Variants in UBA3 observed in about 807,000 individuals in gnomAD.
UBA3 encodes the protein NEDD8-activating enzyme E1 catalytic subunit.
UBA3 carries 26 observed loss-of-function variants against 73.5 expected under a neutral mutation model. That is an observed-to-expected ratio of 0.35 (90% CI 0.26 to 0.49). UBA3 has a LOEUF of 0.49. Ranked by LOEUF, UBA3 falls within the 20% of genes least tolerant of loss-of-function variation. UBA3 has a pLI of 0.98. For synonymous variants in UBA3, 217 were observed against 191.2 expected (o/e 1.13, Z -1.11); for missense variants, 495 against 555.6 (o/e 0.89, Z 1.10).
intron 14 of UBA3, 34 bp downstream of exon 14, chr3:69,056,578 G>T: frequency 6.6e-7 from 1 of 1,524,490 alleles, no homozygotes; most frequent in Non-Finnish European, 9.0e-7. Context: ...ATCAAAATAT[G>T]CATGATCAAA....
intron 6 of UBA3, 103 bp downstream of exon 6, chr3:69,067,825 T>A (rs990373090): frequency 2.5e-6 from 2 of 788,818 alleles, no homozygotes; most frequent in Non-Finnish European, 3.9e-6. Flanking sequence ...TACTGCTGAC[T>A]TTTTTTCCCT....
intron 17 of UBA3, 37 bp downstream of exon 17, chr3:69,055,814 A>C: frequency 6.4e-7 from 1 of 1,574,622 alleles, no homozygotes; most frequent in South Asian, 1.2e-5. Context: ...GAGAGAAAAG[A>C]AAGAAAATGA....
intron 2 of UBA3, among the ~76,000 whole-genome samples, chr3:69,079,369 A>G (rs1156310572): frequency 6.6e-6 from 1 of 152,244 alleles, no homozygotes; most frequent in African/African-American, 2.4e-5. Flanking sequence ...TGAGGGACAC[A>G]CATAAAGATC....
chr3:69,063,998 A>G, intron 7 of UBA3, 70 bp downstream of exon 7: 2 of 1,321,678 alleles, frequency 1.5e-6, no homozygotes, highest in South Asian at 2.6e-5. Context: ...ATAGCTAGCA[A>G]TATTTGAATA....
At chr3:69,071,640 A>C in intron 4 of UBA3, 23 bp from the exon 5 acceptor site, 1 of 1,431,456 alleles carries the variant, frequency 7.0e-7, no homozygotes, top group Non-Finnish European at 9.4e-7. Context: ...AAACAATCCA[A>C]TTAAGCAGAA....
At chr3:69,065,862 T>C (rs2092066340) in intron 6 of UBA3, among the ~76,000 whole-genome samples, 1 of 151,998 alleles carries the variant, frequency 6.6e-6, no homozygotes, top group Non-Finnish European at 1.5e-5. Context: ...CTCATGGTGG[T>C]CTTAGTTTGA....
chr3:69,077,027 CA>C lies in UBA3; in HGVS notation c.183+770del, dbSNP rs138831521. Among the ~76,000 whole-genome samples the C allele has an allele frequency of 8.4e-3, 1,160 of 138,798 alleles. 15 individuals are homozygous for C. The highest frequency in any genetic ancestry group is 0.026 in the African/African-American group (995 of 37,858). 91.1% of individuals were successfully genotyped at this position (138,798 alleles called of 152,430 possible). A position where few individuals can be genotyped will look rare whatever the true frequency, so the allele number is the denominator to read the frequency against. On this transcript the variant is annotated intron_variant, in intron 3 of 17. Transcript: ENST00000361055. ...GAAGTAACAATCTTAAATTATCAGG[CA>C]AAAAAAAAAATTTAGAAGCACAAGA...
intron 6 of UBA3, among the ~76,000 whole-genome samples, chr3:69,067,428 C>T (rs2092082756): frequency 6.6e-6 from 1 of 152,184 alleles, no homozygotes; most frequent in Non-Finnish European, 1.5e-5. Flanking sequence ...CATCTTCTGA[C>T]TTTCTATAAA....
intron 4 of UBA3, among the ~76,000 whole-genome samples, chr3:69,073,184 G>A (rs1170732565): frequency 1.3e-5 from 2 of 152,096 alleles, no homozygotes; most frequent in African/African-American, 2.4e-5. Context: ...GAGTAAAAGC[G>A]ACAGCACTTA....
Position 69,077,848 on chromosome 3 carries a change from G to C in UBA3, c.133C>G (p.Leu45Val), listed in dbSNP as rs754980658. 2 of 1,614,110 alleles carry C rather than the reference G, an allele frequency of 1.2e-6. No individual in the cohort carries two copies. The highest frequency in any genetic ancestry group is 1.7e-6 in the Non-Finnish European group (2 of 1,180,024). Residue 45 changes from leucine (L) to valine (V), a missense_variant, in exon 3 of 18, where the codon CTC becomes GTC. Transcript: ENST00000361055. The stretch of plus-strand genomic sequence containing the variant: ...TGTGTGAAGGGTCCAGATCGCTCGA[G>C]GAACTTCTTTACATGGTTCCAGCGA... ...EGRWNHVKKF[L>V]ERSGPFTHPD...
intron 11 of UBA3, among the ~76,000 whole-genome samples, chr3:69,057,923 T>TA: frequency 9.9e-6 from 1 of 100,756 alleles, no homozygotes; most frequent in Admixed American, 1.3e-4. Flanking sequence ...CCCACATTTT[T>TA]CTTTTTTTTT....
intron 5 of UBA3, among the ~76,000 whole-genome samples, chr3:69,070,709 G>A (rs1234190299): frequency 6.6e-6 from 1 of 152,076 alleles, no homozygotes; most frequent in Non-Finnish European, 1.5e-5. Flanking sequence ...CTGGAGTACA[G>A]TGGCATGAAC....
intron 7 of UBA3, 65 bp downstream of exon 7, chr3:69,064,003 T>C (rs570513723): frequency 3.3e-4 from 449 of 1,379,442 alleles, no homozygotes; most frequent in Non-Finnish European, 3.5e-4. Flanking sequence ...TAGCAATATT[T>C]GAATAGCTAC....
At chr3:69,070,701 G>A (rs945205482) in intron 5 of UBA3, among the ~76,000 whole-genome samples, 4 of 152,180 alleles carry the variant, frequency 2.6e-5, no homozygotes, top group African/African-American at 9.7e-5. Context: ...TGCCCAGGCT[G>A]GAGTACAGTG....
chr3:69,066,041 TCC>T (rs2092068515), intron 6 of UBA3, among the ~76,000 whole-genome samples: 1 of 152,220 alleles, frequency 6.6e-6, no homozygotes, highest in Admixed American at 6.5e-5. Flanking sequence ...AAGTATTTTC[TCC>T]AGTCTGTGGC....
chr3:69,075,528 G>C lies in UBA3; in HGVS notation c.184-18C>G. On this transcript the variant is annotated intron_variant, in intron 3 of 17. Coordinates refer to ENST00000361055, the MANE Select transcript of UBA3 (RefSeq NM_003968.4). The stretch of plus-strand genomic sequence containing the variant: ...TGGAGAGACTGTAAAGAATGGAAAG[G>C]CATATTAAAAGCTGGGTGATAACCG... 6.7e-7 allele frequency: 1 copy of C among 1,491,904 alleles called. No homozygotes were observed. Among genetic ancestry groups the C allele is most frequent in the Non-Finnish European group, 9.0e-7 (1 of 1,115,330 alleles). 92.4% of individuals were successfully genotyped at this position (1,491,904 alleles called of 1,614,324 possible).
At position 69,057,240 on chromosome 3, in the gene UBA3, G is replaced by C. The variant is rs754134340; in HGVS notation, c.964+16C>G. The C allele has an allele frequency of 4.4e-6, 7 of 1,604,710 alleles. No individual in the cohort carries two copies. The highest frequency in any genetic ancestry group is 8.5e-7 in the Non-Finnish European group (1 of 1,177,584). On this transcript the variant is annotated intron_variant, in intron 12 of 17. Transcript: ENST00000361055. The stretch of plus-strand genomic sequence containing the variant: ...AGAAAGCAAAATAAACTAAGTGATG[G>C]CCTTTTCTTCCTCACCTGCAATGAC...
At chr3:69,060,340 T>C (rs1008983333) in intron 11 of UBA3, among the ~76,000 whole-genome samples, 3 of 150,574 alleles carry the variant, frequency 2.0e-5, no homozygotes, top group African/African-American at 7.3e-5. Context: ...TAGGCAGATG[T>C]GGCTTAGCAA....
At chr3:69,059,231 G>C (rs2092001896) in intron 11 of UBA3, among the ~76,000 whole-genome samples, 1 of 152,186 alleles carries the variant, frequency 6.6e-6, no homozygotes, top group African/African-American at 2.4e-5. Context: ...TAGAGAGAAT[G>C]GTCAGGGAAG....
Sources: gnomAD v4.1 joint callset for allele counts (sites outside exome capture counted in the v4.1 genomes callset) on GRCh38, gnomAD v4.1.1 for gene constraint, MANE v1.5 for transcripts, NCBI Gene and HGNC (gene_info 2026-07-23, HGNC 2026-07-21) for gene names.